Variants in CDH18 observed in about 807,000 individuals in gnomAD.
CDH18 encodes cadherin 18, also known as cadherin-18.
In CDH18, 31 loss-of-function variants were observed where a neutral mutation model predicts 67.9. The observed-to-expected ratio is 0.46, with a 90% CI of 0.34 to 0.62. The LOEUF (loss-of-function observed/expected upper bound fraction) is 0.62, where lower values mean the gene tolerates loss of function less well. Among genes scored for constraint, CDH18 ranks in the 20% least tolerant of loss-of-function variants. The pLI is 0.01. For missense variants in CDH18, 890 were observed against 975.5 expected (o/e 0.91, Z 1.17); for synonymous variants, 362 against 347.2 (o/e 1.04, Z -0.48).
In CDH18 at chr5:19,483,494, C is replaced by T. The variant is rs777981514; in HGVS notation, c.1689G>A (p.Val563=). The change falls in exon 12 of 13, where the codon GTG becomes GTA. Residue 563 remains valine (V), a synonymous_variant. Coordinates refer to ENST00000382275, the MANE Select transcript of CDH18 (RefSeq NM_004934.5). ...CAGAGATCATAATGGGCAGATAATACACATCCTGAACAGTTCGACTAAATC... is the reference window on the plus strand; with the variant it reads ...CAGAGATCATAATGGGCAGATAATATACATCCTGAACAGTTCGACTAAATC... ...RRRFSRTVQD[V]YYLPIMISDG... 11 of 1,614,062 alleles carry T rather than the reference C, an allele frequency of 6.8e-6. No homozygotes were observed. The highest frequency in any genetic ancestry group is 9.3e-6 in the Non-Finnish European group (11 of 1,179,974).
chr5:20,474,916 G>C (rs1437942778), intron 1 of CDH18, among the ~76,000 whole-genome samples: 1 of 151,886 alleles, frequency 6.6e-6, no homozygotes, highest in African/African-American at 2.4e-5. Context: ...TTCATTTATT[G>C]TGCTGTCTGC....
chr5:20,277,165 T>C (rs1455254010), intron 1 of CDH18, among the ~76,000 whole-genome samples: 4 of 152,080 alleles, frequency 2.6e-5, no homozygotes, highest in African/African-American at 9.7e-5. Context: ...ACACAGGCGG[T>C]AGCCAGGAGG....
intron 8 of CDH18, among the ~76,000 whole-genome samples, chr5:19,559,208 G>A (rs573335246): frequency 1.3e-5 from 2 of 151,946 alleles, no homozygotes; most frequent in African/African-American, 4.8e-5. Context: ...GTTCTGCTCA[G>A]ATCTTTGTTA....
intron 1 of CDH18, among the ~76,000 whole-genome samples, chr5:20,430,446 T>C (rs140876680): frequency 6.6e-6 from 1 of 152,260 alleles, no homozygotes; most frequent in African/African-American, 2.4e-5. Flanking sequence ...CACCCATAGC[T>C]GCCATCTCAC....
At chr5:20,152,295 G>T (rs1580356391) in intron 2 of CDH18, among the ~76,000 whole-genome samples, 1 of 146,592 alleles carries the variant, frequency 6.8e-6, no homozygotes, top group Non-Finnish European at 1.5e-5. Flanking sequence ...TATATATTGG[G>T]CTTGAAAACA....
chr5:20,309,288 T>A (rs1255198822), intron 1 of CDH18, among the ~76,000 whole-genome samples: 1 of 152,202 alleles, frequency 6.6e-6, no homozygotes. Flanking sequence ...TTTTCATTTA[T>A]GCCTCTTCAC....
intron 1 of CDH18, among the ~76,000 whole-genome samples, chr5:20,438,025 C>T (rs1175327479): frequency 1.3e-5 from 2 of 151,220 alleles, no homozygotes; most frequent in African/African-American, 4.9e-5. Flanking sequence ...GACATTATAA[C>T]ATGAATATAA....
At chr5:19,605,229 T>G (rs1747843360) in intron 6 of CDH18, among the ~76,000 whole-genome samples, 1 of 151,954 alleles carries the variant, frequency 6.6e-6, no homozygotes, top group South Asian at 2.1e-4. Context: ...AATATTCAAT[T>G]CTAAAATCAG....
chr5:19,553,776 G>A (rs2127160000), intron 8 of CDH18, among the ~76,000 whole-genome samples: 1 of 151,864 alleles, frequency 6.6e-6, no homozygotes, highest in East Asian at 1.9e-4. Flanking sequence ...AAGAAGCTGG[G>A]ACCATAGGTG....
At chr5:20,516,249 T>A (rs2126503387) in intron 1 of CDH18, among the ~76,000 whole-genome samples, 1 of 152,108 alleles carries the variant, frequency 6.6e-6, no homozygotes, top group African/African-American at 2.4e-5. Flanking sequence ...CCACTTTTCT[T>A]TAACACATTA....
chr5:20,499,868 A>C (rs552941085), intron 1 of CDH18, among the ~76,000 whole-genome samples: 1 of 152,170 alleles, frequency 6.6e-6, no homozygotes, highest in African/African-American at 2.4e-5. Context: ...TGCCATTCCA[A>C]GTATATAAAT....
intron 1 of CDH18, among the ~76,000 whole-genome samples, chr5:20,502,514 A>G (rs1754397764): frequency 6.6e-6 from 1 of 152,208 alleles, no homozygotes; most frequent in Non-Finnish European, 1.5e-5. Flanking sequence ...TGTGGCAAGT[A>G]ATATTTATCT....
At chr5:20,191,308 A>C (rs1738517967) in intron 2 of CDH18, among the ~76,000 whole-genome samples, 1 of 152,108 alleles carries the variant, frequency 6.6e-6, no homozygotes, top group African/African-American at 2.4e-5. Flanking sequence ...TTCTTTAAGT[A>C]ATCCTGCTTC....
intron 2 of CDH18, among the ~76,000 whole-genome samples, chr5:20,236,837 G>A (rs1447289892): frequency 6.6e-6 from 1 of 151,822 alleles, no homozygotes; most frequent in African/African-American, 2.4e-5. Flanking sequence ...TTATGAGACA[G>A]GTATTACCTT....
At chr5:19,669,814 A>G (rs540804286) in intron 5 of CDH18, among the ~76,000 whole-genome samples, 1 of 152,320 alleles carries the variant, frequency 6.6e-6, no homozygotes, top group African/African-American at 2.4e-5. Context: ...CGTACATACT[A>G]TATGCAAGGC....
In CDH18 at chr5:20,118,295, A is replaced by T. The variant is rs544551667; in HGVS notation, c.-517-126281T>A. On this transcript the variant is annotated intron_variant, in intron 2 of 14. Transcript: ENST00000507958. ...TAAGAGGTAACTTTTAAAAATAGGA[A>T]GTTCTCACATCAAAATTATAAAAGC... Among the ~76,000 whole-genome samples the T allele has an allele frequency of 3.3e-5, 5 of 152,250 alleles. No homozygotes were observed. The East Asian group carries it at 7.7e-4, about 23-fold the overall frequency.
intron 1 of CDH18, among the ~76,000 whole-genome samples, chr5:20,529,620 C>CA (rs1756278208): frequency 6.6e-6 from 1 of 151,954 alleles, no homozygotes; most frequent in South Asian, 2.1e-4. Context: ...ATCACATACA[C>CA]AAAACTAAAG....
intron 2 of CDH18, among the ~76,000 whole-genome samples, chr5:20,066,748 T>C (rs1024574680): frequency 6.6e-6 from 1 of 151,998 alleles, no homozygotes. Context: ...AAGGATAATA[T>C]TGAAGATCCT....
chr5:19,650,547 A>T (rs1561541974), intron 5 of CDH18, among the ~76,000 whole-genome samples: 1 of 152,070 alleles, frequency 6.6e-6, no homozygotes, highest in East Asian at 1.9e-4. Context: ...AAGAGAAAAT[A>T]AAGAGGACAC....
Sources: allele counts gnomAD v4.1 joint callset (sites outside exome capture counted in the v4.1 genomes callset), GRCh38; gene constraint gnomAD v4.1.1; transcripts MANE v1.5; gene names NCBI Gene and HGNC (gene_info 2026-07-23, HGNC 2026-07-21).